Variants in SCML4 observed in about 807,000 individuals in gnomAD.
The protein encoded by SCML4 is Scm polycomb group protein like 4.
A neutral mutation model predicts 41.1 loss-of-function variants in SCML4; 34 were observed. The ratio of observed to expected loss-of-function variants is 0.83; its 90% confidence interval spans 0.63 to 1.10. The LOEUF (loss-of-function observed/expected upper bound fraction) is 1.10, where lower values mean the gene tolerates loss of function less well. Among genes scored for constraint, SCML4 ranks in the 50% least tolerant of loss-of-function variants. The probability of loss-of-function intolerance (pLI) is 0.00; values close to 1 mark genes in which losing one functional copy is unlikely to be tolerated. For synonymous variants in SCML4, 214 were observed against 220.9 expected (o/e 0.97, Z 0.28); for missense variants, 522 against 534.1 (o/e 0.98, Z 0.22).
intron 7 of SCML4, 27 bp downstream of exon 7, chr6:107,707,839 C>CG: frequency 6.4e-7 from 1 of 1,551,652 alleles, no homozygotes; most frequent in Non-Finnish European, 8.7e-7. Flanking sequence ...TCAATCCCCC[C>CG]CAAGGTCAAA....
At chr6:107,758,438 G>A (rs953469729) in intron 2 of SCML4, among the ~76,000 whole-genome samples, 38 of 152,200 alleles carry the variant, frequency 2.5e-4, no homozygotes, top group African/African-American at 5.5e-4. Flanking sequence ...CTAACTTAGC[G>A]TTATGCATTG....
At chr6:107,820,403 C>T (rs897240772) in intron 1 of SCML4, among the ~76,000 whole-genome samples, 3 of 152,088 alleles carry the variant, frequency 2.0e-5, no homozygotes, top group Non-Finnish European at 4.4e-5. Flanking sequence ...TGTGCGTGTG[C>T]GTATGCATGT....
Position 107,772,501 on chromosome 6 carries a change from A to G in SCML4, c.-59-115T>C, listed in dbSNP as rs1780604827. On this transcript the variant is annotated intron_variant, in intron 1 of 7. Transcript: ENST00000369020. ...CGATACCTACCACTTATTGGAGGGG[A>G]AGACCAAATATGAAGGAGCTAGGTA... The G allele has an allele frequency of 8.7e-6, 5 of 572,064 alleles. No individual in the cohort carries two copies. In the South Asian group the frequency reaches 1.3e-4, roughly 14 times the overall value. The allele number at this position is 572,064 out of a possible 1,614,324, so 35.4% of individuals were successfully genotyped here. A position where few individuals can be genotyped will look rare whatever the true frequency, so the allele number is the denominator to read the frequency against.
chr6:107,838,805 A>G, the SCML4 span, among the ~76,000 whole-genome samples: 2 of 152,204 alleles, frequency 1.3e-5, no homozygotes, highest in South Asian at 4.1e-4. Flanking sequence ...AAATATTAAT[A>G]ATTGCATATG....
At chr6:107,836,350 CTT>C in the SCML4 span, among the ~76,000 whole-genome samples, 2 of 152,168 alleles carry the variant, frequency 1.3e-5, no homozygotes, top group Non-Finnish European at 2.9e-5. Flanking sequence ...AACTAAGTCT[CTT>C]TACTCTCAGA....
chr6:107,791,379 T>C (rs1337723054), intron 1 of SCML4, among the ~76,000 whole-genome samples: 1 of 152,012 alleles, frequency 6.6e-6, no homozygotes, highest in East Asian at 1.9e-4. Context: ...AGCCCAAATC[T>C]CTCTCAGTGC....
rs894741798 is a variant in SCML4, at chr6:107,721,073, C to G, written c.683-80G>C. ...ATCAGACCCTCCGTCTTGGCAAACC[C>G]TGCCCTGCCAACACAGTAGCCAGTA... is the stretch of plus-strand genomic sequence containing the variant. On this transcript the variant is annotated intron_variant, in intron 5 of 7. Transcript: ENST00000369020. The G allele has an allele frequency of 1.5e-5, 22 of 1,493,350 alleles. No individual in the cohort carries two copies. The African/African-American group carries it at 2.4e-4, about 16-fold the overall frequency. The allele number at this position is 1,493,350 out of a possible 1,614,324, so 92.5% of individuals were successfully genotyped here. A position where few individuals can be genotyped will look rare whatever the true frequency, so the allele number is the denominator to read the frequency against.
chr6:107,787,248 G>A (rs538378425), intron 1 of SCML4, among the ~76,000 whole-genome samples: 9 of 152,286 alleles, frequency 5.9e-5, no homozygotes, highest in Admixed American at 1.3e-4. Flanking sequence ...TGAAATAACC[G>A]GGTGAATAGA....
chr6:107,796,778 C>T (rs1485324138), intron 1 of SCML4, among the ~76,000 whole-genome samples: 5 of 152,138 alleles, frequency 3.3e-5, no homozygotes, highest in African/African-American at 1.2e-4. Flanking sequence ...GTACTTATCA[C>T]ATTACAAGTT....
intron 5 of SCML4, among the ~76,000 whole-genome samples, chr6:107,740,873 C>T (rs1461269088): frequency 6.6e-6 from 1 of 152,204 alleles, no homozygotes; most frequent in African/African-American, 2.4e-5. Flanking sequence ...AGATTCATCA[C>T]GTACAAATTC....
At chr6:107,726,487 C>A (rs534711910) in intron 5 of SCML4, among the ~76,000 whole-genome samples, 33 of 125,744 alleles carry the variant, frequency 2.6e-4, no homozygotes, top group Non-Finnish European at 4.1e-4. Flanking sequence ...GAGCTGAGAT[C>A]GTGCCACTGC....
chr6:107,827,533 A>T (rs1182273302), upstream of SCML4, among the ~76,000 whole-genome samples: 3 of 152,188 alleles, frequency 2.0e-5, no homozygotes, highest in Admixed American at 2.0e-4. Flanking sequence ...CATGTAAGAA[A>T]AAAGAAATTT....
At chr6:107,729,170 G>T (rs1372124751) in intron 5 of SCML4, among the ~76,000 whole-genome samples, 1 of 152,188 alleles carries the variant, frequency 6.6e-6, no homozygotes. Context: ...AACAAACCGG[G>T]TGGTTTAAAA....
intron 2 of SCML4, among the ~76,000 whole-genome samples, chr6:107,767,310 C>T (rs1780141658): frequency 6.6e-6 from 1 of 152,152 alleles, no homozygotes; most frequent in South Asian, 2.1e-4. Flanking sequence ...AACATCTGGA[C>T]TGCCACAGAA....
chr6:107,707,404 A>G (rs766022855), intron 7 of SCML4, among the ~76,000 whole-genome samples: 4 of 152,216 alleles, frequency 2.6e-5, no homozygotes, highest in Non-Finnish European at 5.9e-5. Flanking sequence ...ATATTTTAGC[A>G]TATCTCAAAA....
intron 5 of SCML4, among the ~76,000 whole-genome samples, chr6:107,730,508 CACTT>C (rs1776432675): frequency 6.6e-6 from 1 of 152,194 alleles, no homozygotes; most frequent in African/African-American, 2.4e-5. Context: ...GCTTTTTACT[CACTT>C]CTGTAACCCT....
At chr6:107,810,733 T>C (rs1032917377) in intron 1 of SCML4, among the ~76,000 whole-genome samples, 3 of 152,194 alleles carry the variant, frequency 2.0e-5, no homozygotes, top group Non-Finnish European at 2.9e-5. Context: ...CTGTTATAAA[T>C]TGAATTGTTC....
chr6:107,734,310 A>G (rs1324208171), intron 5 of SCML4, among the ~76,000 whole-genome samples: 1 of 152,234 alleles, frequency 6.6e-6, no homozygotes, highest in East Asian at 1.9e-4. Flanking sequence ...TTGTTTGAAT[A>G]CAGTTACTTT....
chr6:107,762,138 C>T (rs1255704672), intron 2 of SCML4, among the ~76,000 whole-genome samples: 1 of 152,036 alleles, frequency 6.6e-6, no homozygotes, highest in Non-Finnish European at 1.5e-5. Context: ...TACTAAAGTC[C>T]TTGTATTATT....
Sources: allele counts gnomAD v4.1 joint callset (sites outside exome capture counted in the v4.1 genomes callset), GRCh38; gene constraint gnomAD v4.1.1; transcripts MANE v1.5; gene names NCBI Gene and HGNC (gene_info 2026-07-23, HGNC 2026-07-21).